UBR1: variants seen among roughly 807,000 people sequenced by gnomAD.
UBR1 encodes the protein ubiquitin protein ligase E3 component n-recognin 1, also known as E3 ubiquitin-protein ligase UBR1.
A neutral mutation model predicts 242.1 loss-of-function variants in UBR1; 102 were observed. That is an observed-to-expected ratio of 0.42 (90% CI 0.36 to 0.50). UBR1 has a LOEUF of 0.50. Among genes scored for constraint, UBR1 ranks in the 20% least tolerant of loss-of-function variants. UBR1 has a pLI of 0.01. For synonymous variants in UBR1, 675 were observed against 684.8 expected, an observed-to-expected ratio of 0.99 and a Z score of 0.22; for missense variants, 1,772 against 2,101.8, an observed-to-expected ratio of 0.84 and a Z score of 3.07.
intron 30 of UBR1, among the ~76,000 whole-genome samples, chr15:43,005,605 T>C (rs1286907839): frequency 2.6e-5 from 4 of 152,196 alleles, no homozygotes; most frequent in African/African-American, 9.6e-5. Flanking sequence ...CAACAGCTCA[T>C]TGAGAACGGG....
rs1386346570 is a variant in UBR1 at position 42,958,051 on chromosome 15, A to G, written c.4797T>C (p.Asp1599=). 1 of 1,613,762 alleles carries G rather than the reference A, an allele frequency of 6.2e-7. No homozygotes were observed. The highest frequency in any genetic ancestry group is 1.3e-5 in the African/African-American group (1 of 75,058). ...RKRNSLIELP[D]DYSCLLNQAS... Reference sequence around the variant, plus strand: ...CTTGATTCAGGAGGCAGCTATAGTCATCAGGAAGCTCTATCAAACTATTTC... The same window carrying G: ...CTTGATTCAGGAGGCAGCTATAGTCGTCAGGAAGCTCTATCAAACTATTTC... The change falls in exon 44 of 47, where the codon GAT becomes GAC. Residue 1599 remains aspartate, a synonymous_variant. Coordinates refer to ENST00000290650, the MANE Select transcript of UBR1 (RefSeq NM_174916.3).
intron 44 of UBR1, among the ~76,000 whole-genome samples, chr15:42,957,587 T>G (rs2031943911): frequency 6.6e-6 from 1 of 152,110 alleles, no homozygotes; most frequent in South Asian, 2.1e-4. Context: ...AAAAGGAAAT[T>G]TGTGGCCAGG....
At chr15:42,983,342 T>C (rs909818542) in intron 37 of UBR1, among the ~76,000 whole-genome samples, 3 of 152,018 alleles carry the variant, frequency 2.0e-5, no homozygotes, top group African/African-American at 7.3e-5. Flanking sequence ...TGAAAATATT[T>C]GGAAAATACA....
intron 1 of UBR1, among the ~76,000 whole-genome samples, chr15:43,100,535 A>G (rs2034218964): frequency 2.6e-5 from 4 of 152,126 alleles, no homozygotes; most frequent in Non-Finnish European, 5.9e-5. Flanking sequence ...TATCAATCAC[A>G]TACCAAGATA....
intron 1 of UBR1, among the ~76,000 whole-genome samples, chr15:43,086,993 A>AT (rs1368593120): frequency 1.7e-4 from 26 of 152,328 alleles, no homozygotes; most frequent in Non-Finnish European, 3.4e-4. Flanking sequence ...TCGACAACAC[A>AT]TAGGGAGACC....
At chr15:43,051,378 A>G (rs142819289) in intron 12 of UBR1, among the ~76,000 whole-genome samples, 479 of 152,316 alleles carry the variant, frequency 3.1e-3, no homozygotes, top group African/African-American at 0.011. Flanking sequence ...TGATGAGAAC[A>G]CATGGACACA....
rs182674905 is a variant in UBR1, at chr15:42,966,588, G to C, written c.4458-302C>G. On this transcript the variant is annotated intron_variant, in intron 40 of 46. Transcript: ENST00000290650. Reference sequence around the variant, plus strand: ...AGCTACTCGGGAGGCTGAGGTGGGAGAACTGCTTGAACCCAGGAGGTGGAG... The same window carrying C: ...AGCTACTCGGGAGGCTGAGGTGGGACAACTGCTTGAACCCAGGAGGTGGAG... Among the ~76,000 whole-genome samples, 8 of 151,460 alleles carry C rather than the reference G, an allele frequency of 5.3e-5. No homozygotes were observed. In the East Asian group the frequency reaches 1.4e-3, roughly 26 times the overall value.
chr15:43,092,659 T>C (rs1268422617), intron 1 of UBR1, among the ~76,000 whole-genome samples: 3 of 152,162 alleles, frequency 2.0e-5, no homozygotes, highest in Non-Finnish European at 4.4e-5. Context: ...GTTCAAGCGA[T>C]TCTCCTGCCT....
intron 33 of UBR1, among the ~76,000 whole-genome samples, 174 bp downstream of exon 33, chr15:42,997,994 G>A (rs907345968): frequency 2.6e-5 from 4 of 152,060 alleles, no homozygotes; most frequent in African/African-American, 4.8e-5. Context: ...TATGAAAAAC[G>A]ATTAAATTTA....
chr15:43,058,497 G>T, intron 9 of UBR1, 68 bp from the exon 10 acceptor site: 1 of 1,036,570 alleles, frequency 9.6e-7, no homozygotes, highest in Non-Finnish European at 1.5e-6. Context: ...AAAACATTCT[G>T]GCTATTAGAG....
chr15:42,982,377 GAC>G (rs975147387), intron 37 of UBR1, among the ~76,000 whole-genome samples: 56 of 152,304 alleles, frequency 3.7e-4, no homozygotes, highest in African/African-American at 1.3e-3. Flanking sequence ...AGGCGCATGT[GAC>G]ATATGGAAGG....
In UBR1 at chr15:43,025,615, G is replaced by C. The variant is rs1209168629; in HGVS notation, c.2536-186C>G. On this transcript the variant is annotated intron_variant, in intron 23 of 46. Transcript: ENST00000290650. ...GAGAAACCTAATGCAAAATAGATGAGGAATATCCCTGATCAAAAACTTAGT... is the reference window on the plus strand; with the variant it reads ...GAGAAACCTAATGCAAAATAGATGACGAATATCCCTGATCAAAAACTTAGT... 5 of 574,914 alleles carry C rather than the reference G, an allele frequency of 8.7e-6. No individual in the cohort carries two copies. In the East Asian group the frequency reaches 1.5e-4, roughly 17 times the overall value. The allele number at this position is 574,914 out of a possible 1,614,324, so 35.6% of individuals were successfully genotyped here. A position where few individuals can be genotyped will look rare whatever the true frequency, so the allele number is the denominator to read the frequency against.
chr15:43,046,920 T>C (rs2033493652), intron 14 of UBR1, among the ~76,000 whole-genome samples: 1 of 152,110 alleles, frequency 6.6e-6, no homozygotes. Context: ...TGTGTATAAA[T>C]ACATACATAC....
At chr15:43,096,174 CTTTT>C (rs533952574) in intron 1 of UBR1, among the ~76,000 whole-genome samples, 3 of 141,092 alleles carry the variant, frequency 2.1e-5, no homozygotes, top group Non-Finnish European at 4.6e-5. Context: ...CAATTTCTCT[CTTTT>C]TTTTTTTTTT....
At chr15:43,039,599 A>G (rs2033389375) in intron 15 of UBR1, among the ~76,000 whole-genome samples, 1 of 152,194 alleles carries the variant, frequency 6.6e-6, no homozygotes, top group African/African-American at 2.4e-5. Flanking sequence ...GGGGTTTTAT[A>G]AATATACAAT....
intron 27 of UBR1, among the ~76,000 whole-genome samples, chr15:43,017,738 A>G (rs1016972175): frequency 6.6e-6 from 1 of 151,528 alleles, no homozygotes; most frequent in African/African-American, 2.4e-5. Flanking sequence ...TGAACCTGGG[A>G]AGTGAAGGTT....
In UBR1 at chr15:43,007,107, G is replaced by C; in HGVS notation, c.3387C>G (p.His1129Gln). ...CTGAGAGTTCTATGGGTTTTCCCCT[G>C]TGCTGGGTTAAGGCAGTAGATTTCT... ...CVQKSTALTQ[H>Q]RGKPIELSGE... Residue 1129 changes from histidine to glutamine, a missense_variant, in exon 30 of 47, where the codon CAC (histidine) becomes CAG (glutamine). Transcript: ENST00000290650. The C allele has an allele frequency of 1.2e-6, 2 of 1,614,124 alleles. No individual in the cohort carries two copies. Among genetic ancestry groups the C allele is most frequent in the Non-Finnish European group, 1.7e-6 (2 of 1,180,042 alleles).
intron 32 of UBR1, among the ~76,000 whole-genome samples, chr15:42,999,809 G>A (rs1002346896): frequency 4.0e-5 from 6 of 151,346 alleles, no homozygotes; most frequent in African/African-American, 1.2e-4. Context: ...AGCACACAGT[G>A]AGACCCTATC....
At chr15:42,991,558 T>C (rs1157655536) in intron 33 of UBR1, among the ~76,000 whole-genome samples, 1 of 152,180 alleles carries the variant, frequency 6.6e-6, no homozygotes, top group African/African-American at 2.4e-5. Context: ...TTTTTCTGCA[T>C]TATTTTTCCC....
Sources: allele counts gnomAD v4.1 joint callset (sites outside exome capture counted in the v4.1 genomes callset), GRCh38; gene constraint gnomAD v4.1.1; transcripts MANE v1.5; gene names NCBI Gene and HGNC (gene_info 2026-07-23, HGNC 2026-07-21).